Variants in SYT1 observed in about 807,000 individuals in gnomAD.
SYT1 encodes the protein synaptotagmin 1, also known as synaptotagmin-1.
In SYT1, 8 loss-of-function variants were observed where a neutral mutation model predicts 44.8. That is an observed-to-expected ratio of 0.18 (90% CI 0.10 to 0.32). SYT1 has a LOEUF of 0.32. Ranked by LOEUF, SYT1 falls within the 10% of genes least tolerant of loss-of-function variation. The pLI is 1.00. For missense variants in SYT1, 286 were observed against 509.3 expected (o/e 0.56, Z 4.22); for synonymous variants, 154 against 188.8 (o/e 0.82, Z 1.51).
At chr12:79,363,300 C>T (rs1883391950) in intron 9 of SYT1, among the ~76,000 whole-genome samples, 1 of 152,030 alleles carries the variant, frequency 6.6e-6, no homozygotes, top group South Asian at 2.1e-4. Flanking sequence ...GTGCTATTCC[C>T]CCTTCCTTTT....
intron 4 of SYT1, among the ~76,000 whole-genome samples, chr12:79,285,200 G>C (rs1418714705): frequency 6.6e-6 from 1 of 152,238 alleles, no homozygotes; most frequent in East Asian, 1.9e-4. Context: ...GACATTTGTT[G>C]TTCTATATAT....
intron 3 of SYT1, among the ~76,000 whole-genome samples, chr12:79,188,019 A>C (rs1872901032): frequency 1.3e-5 from 2 of 152,176 alleles, no homozygotes; most frequent in Admixed American, 6.6e-5. Context: ...TCTTTTTAAA[A>C]AACACACACA....
intron 4 of SYT1, among the ~76,000 whole-genome samples, chr12:79,276,098 C>T (rs1033194781): frequency 2.0e-5 from 3 of 151,860 alleles, no homozygotes; most frequent in Non-Finnish European, 2.9e-5. Flanking sequence ...GAAGAAATAT[C>T]CCCAGATGAG....
chr12:79,140,503 G>A (rs979822810), intron 3 of SYT1, among the ~76,000 whole-genome samples: 3 of 152,130 alleles, frequency 2.0e-5, no homozygotes, highest in African/African-American at 7.2e-5. Context: ...GCAAACTTAA[G>A]TATTTGTTGG....
intron 2 of SYT1, among the ~76,000 whole-genome samples, chr12:78,983,385 A>AT (rs1334630713): frequency 6.6e-6 from 1 of 151,970 alleles, no homozygotes; most frequent in Non-Finnish European, 1.5e-5. Flanking sequence ...TTATCATGAG[A>AT]TTTTTCTTAA....
intron 3 of SYT1, among the ~76,000 whole-genome samples, chr12:79,049,329 A>T (rs968550345): frequency 2.6e-5 from 4 of 151,946 alleles, no homozygotes; most frequent in African/African-American, 9.7e-5. Context: ...AGAAAAAAAT[A>T]ACATACATGT....
At chr12:79,314,345 A>C (rs1015763541) in intron 8 of SYT1, among the ~76,000 whole-genome samples, 3 of 152,076 alleles carry the variant, frequency 2.0e-5, no homozygotes, top group African/African-American at 7.2e-5. Context: ...ACATGGTTTT[A>C]ATAAAAAAGT....
chr12:79,348,492 G>T (rs186782023), intron 8 of SYT1, among the ~76,000 whole-genome samples: 21 of 152,272 alleles, frequency 1.4e-4, no homozygotes, highest in Admixed American at 1.4e-3. Flanking sequence ...ATATTCTAAG[G>T]GTTGAAGAAG....
intron 4 of SYT1, among the ~76,000 whole-genome samples, chr12:79,258,076 A>G (rs1877628789): frequency 6.8e-6 from 1 of 147,812 alleles, no homozygotes; most frequent in Non-Finnish European, 1.5e-5. Flanking sequence ...TAGTAAATAT[A>G]AAAAGTGATT....
chr12:79,100,066 T>C (rs1409844641), intron 3 of SYT1, among the ~76,000 whole-genome samples: 1 of 152,162 alleles, frequency 6.6e-6, no homozygotes, highest in Non-Finnish European at 1.5e-5. Context: ...ATATTATTCA[T>C]ACGTTATATA....
At position 79,043,185 on chromosome 12, in the gene SYT1, G is replaced by A. The variant is rs932035807; in HGVS notation, c.-83-4112G>A. Among the ~76,000 whole-genome samples the A allele has an allele frequency of 4.0e-5, 6 of 150,018 alleles. No individual in the cohort carries two copies. In the East Asian group the frequency reaches 1.2e-3, roughly 30 times the overall value. On this transcript the variant is annotated intron_variant, in intron 2 of 10. Transcript: ENST00000261205. ...AGTTCAATTCCTGGGTATCCTTGTT[G>A]ACTTTCTGTCTTGTTGATCTGTCTA...
At chr12:79,181,680 C>G (rs1872555123) in intron 3 of SYT1, among the ~76,000 whole-genome samples, 1 of 152,020 alleles carries the variant, frequency 6.6e-6, no homozygotes, top group African/African-American at 2.4e-5. Flanking sequence ...GTGGATTCTC[C>G]TCATGAGACA....
At chr12:79,370,585 ACC>A (rs1883743085) in intron 9 of SYT1, among the ~76,000 whole-genome samples, 1 of 151,538 alleles carries the variant, frequency 6.6e-6, no homozygotes, top group South Asian at 2.1e-4. Context: ...AAACGGTGAA[ACC>A]CCCTCTCTAC....
At chr12:78,880,122 G>A (rs765147464) in intron 1 of SYT1, among the ~76,000 whole-genome samples, 2 of 151,552 alleles carry the variant, frequency 1.3e-5, no homozygotes, top group Non-Finnish European at 3.0e-5. Context: ...GTGGTTATTT[G>A]ATTAGTAACT....
Position 79,292,034 on chromosome 12 carries a change from T to C in SYT1, c.378T>C (p.Thr126=), listed in dbSNP as rs34404568. The stretch of plus-strand genomic sequence containing the variant: ...CCCTCAAGGATGATGATGCTGAAAC[T>C]GGATTGACAGATGGAGAAGAAAAAG... The part of the protein sequence containing the change: ...DQALKDDDAE[T]GLTDGEEKEE... The change falls in exon 6 of 11, where the codon ACT becomes ACC. Residue 126 remains threonine (T), a synonymous_variant. Coordinates refer to ENST00000261205, the MANE Select transcript of SYT1 (RefSeq NM_005639.3). The C allele has an allele frequency of 3.6e-3, 5,772 of 1,613,946 alleles. 50 individuals are homozygous for C. Among genetic ancestry groups the C allele is most frequent in the African/African-American group, 0.03 (2,276 of 74,984 alleles).
At chr12:79,277,390 A>G (rs963000974) in intron 4 of SYT1, among the ~76,000 whole-genome samples, 3 of 152,200 alleles carry the variant, frequency 2.0e-5, no homozygotes, top group Non-Finnish European at 4.4e-5. Flanking sequence ...AAGAACTATC[A>G]GCCAAGAATT....
chr12:78,897,551 C>T (rs1191670245), intron 1 of SYT1, among the ~76,000 whole-genome samples: 3 of 151,950 alleles, frequency 2.0e-5, no homozygotes, highest in Non-Finnish European at 2.9e-5. Context: ...TATCCTGATC[C>T]TTTAAAATGA....
At chr12:79,068,990 A>T (rs1876079774) in intron 3 of SYT1, among the ~76,000 whole-genome samples, 1 of 152,204 alleles carries the variant, frequency 6.6e-6, no homozygotes, top group Non-Finnish European at 1.5e-5. Context: ...CATCTATGTC[A>T]GAGAGAAGAA....
intron 3 of SYT1, among the ~76,000 whole-genome samples, chr12:79,126,534 T>G (rs1314543846): frequency 6.6e-6 from 1 of 152,176 alleles, no homozygotes; most frequent in Non-Finnish European, 1.5e-5. Context: ...GCTGAGATTA[T>G]AGGCGTGAGC....
Sources: allele counts gnomAD v4.1 joint callset (sites outside exome capture counted in the v4.1 genomes callset), GRCh38; gene constraint gnomAD v4.1.1; transcripts MANE v1.5; gene names NCBI Gene and HGNC (gene_info 2026-07-23, HGNC 2026-07-21).